Variants in TPM1 observed in about 807,000 individuals in gnomAD.
TPM1 encodes the protein tropomyosin alpha-1 chain.
Under a neutral mutation model 42.9 loss-of-function variants are expected in TPM1, and 24 were observed. The observed-to-expected ratio is 0.56, with a 90% CI of 0.41 to 0.79. TPM1 has a LOEUF of 0.79. Ranked by LOEUF, TPM1 falls within the 30% of genes least tolerant of loss-of-function variation. TPM1 has a pLI of 0.00. For missense variants in TPM1, 158 were observed against 351.8 expected, an observed-to-expected ratio of 0.45 and a Z score of 4.41; for synonymous variants, 136 against 130.1, an observed-to-expected ratio of 1.05 and a Z score of -0.31.
intron 3 of TPM1, 74 bp downstream of exon 3, chr15:63,057,192 T>C: frequency 2.5e-6 from 4 of 1,602,084 alleles, no homozygotes; most frequent in Non-Finnish European, 2.6e-6. Flanking sequence ...CCTGTGATCT[T>C]TGAGGTTTAA....
At chr15:63,061,200 A>G in intron 5 of TPM1, 1 of 1,614,196 alleles carries the variant, frequency 6.2e-7, no homozygotes, top group Non-Finnish European at 8.5e-7. Context: ...ACTAACAGCC[A>G]AGTCCGACAG....
In TPM1 at chr15:63,043,922, C is replaced by T. The variant is rs2031810828; in HGVS notation, c.115-105C>T. 3.2e-6 allele frequency: 5 copies of T among 1,555,288 alleles called. No homozygotes were observed. In the Admixed American group the frequency reaches 7.8e-5, roughly 24 times the overall value. ...TCCCTGTCTTTCCCTCTGTCTCTCC[C>T]GCTGTCCCTGTCCTTCTGGTTCTGT... is the stretch of plus-strand genomic sequence containing the variant. On this transcript the variant is annotated intron_variant, in intron 1 of 9. Transcript: ENST00000403994.
intron 2 of TPM1, chr15:63,048,755 C>CGG: frequency 3.3e-6 from 5 of 1,518,574 alleles, no homozygotes; most frequent in Non-Finnish European, 4.4e-6. Flanking sequence ...CGCATCCTCC[C>CGG]GGGGCAGCCC....
intron 2 of TPM1, among the ~76,000 whole-genome samples, chr15:63,052,839 A>G (rs2034154867): frequency 6.6e-6 from 1 of 152,218 alleles, no homozygotes; most frequent in Non-Finnish European, 1.5e-5. Flanking sequence ...CATAGAGCAT[A>G]ATAAATCAGA....
chr15:63,066,844 T>TGG (rs1372086789), downstream of TPM1, among the ~76,000 whole-genome samples: 1 of 152,230 alleles, frequency 6.6e-6, no homozygotes, highest in Non-Finnish European at 1.5e-5. Flanking sequence ...TTGTGTTCAA[T>TGG]GGCTGTGTTT....
chr15:63,043,937 T>A, intron 1 of TPM1, 90 bp from the exon 2 acceptor site: 1 of 1,560,698 alleles, frequency 6.4e-7, no homozygotes, highest in Non-Finnish European at 8.7e-7. Flanking sequence ...TCCCTGTCCT[T>A]CTGGTTCTGT....
chr15:63,048,704 G>C, intron 2 of TPM1: 1 of 1,537,962 alleles, frequency 6.5e-7, no homozygotes, highest in Non-Finnish European at 8.8e-7. Flanking sequence ...AGCTGAGGGA[G>C]ACCGTAAGGG....
rs764066298 is a variant in TPM1 at position 63,048,737 on chromosome 15, C to T, written c.240+4585C>T. 2.0e-6 allele frequency: 3 copies of T among 1,527,224 alleles called. No homozygotes were observed. The African/African-American group carries it at 4.2e-5, about 22-fold the overall frequency. The allele number at this position is 1,527,224 out of a possible 1,614,324, so 94.6% of individuals were successfully genotyped here. The stretch of plus-strand genomic sequence containing the variant: ...GGGATACACCCATCACCCCGCAGCC[C>T]CCAGAGGCGCATCCTCCCGGGGCAG... On this transcript the variant is annotated intron_variant, in intron 2 of 9. Transcript: ENST00000403994.
chr15:63,063,544 G>C (rs2035928377), intron 8 of TPM1, among the ~76,000 whole-genome samples: 1 of 152,164 alleles, frequency 6.6e-6, no homozygotes, highest in Admixed American at 6.5e-5. Context: ...CTATCCCAGT[G>C]GTCTAGTGTG....
chr15:63,046,195 C>T (rs1225797386), intron 2 of TPM1: 1 of 152,124 alleles, frequency 6.6e-6, no homozygotes, highest in Non-Finnish European at 1.5e-5. Flanking sequence ...AATCACCAGG[C>T]GATAGGAATT....
chr15:63,066,033 C>G lies in TPM1; in HGVS notation c.*134C>G. On this transcript the variant is annotated 3_prime_UTR_variant, in exon 10 of 10. Transcript: ENST00000403994. The stretch of plus-strand genomic sequence containing the variant: ...ATCCTGCCTTAGAGCCAGGCACACA[C>G]TGTGCTTTCTATTGTACAGAAGCTC... 6.5e-7 allele frequency: 1 copy of G among 1,547,910 alleles called. No homozygotes were observed. The highest frequency in any genetic ancestry group is 8.7e-7 in the Non-Finnish European group (1 of 1,147,878).
chr15:63,048,555 G>A, intron 2 of TPM1: 1 of 1,519,476 alleles, frequency 6.6e-7, no homozygotes, highest in East Asian at 2.6e-5. Flanking sequence ...CAGCCCTCCC[G>A]CCCGCCTACC....
At position 63,045,297 on chromosome 15, in the gene TPM1, C is replaced by T. The variant is rs912382921; in HGVS notation, c.240+1145C>T. On this transcript the variant is annotated intron_variant, in intron 2 of 9. Transcript: ENST00000403994. The stretch of plus-strand genomic sequence containing the variant: ...GCTTTGTAAATGAGAACTCCAGAGA[C>T]GACATTTAGGATCTGACAAAAAGAA... 6.6e-5 allele frequency: 10 copies of T among 152,196 alleles called. No individual in the cohort carries two copies. In the East Asian group the frequency reaches 7.7e-4, roughly 12 times the overall value. 9.4% of individuals were successfully genotyped at this position (152,196 alleles called of 1,614,324 possible).
downstream of TPM1, among the ~76,000 whole-genome samples, chr15:63,068,920 G>A (rs1476264256): frequency 6.6e-5 from 10 of 152,132 alleles, no homozygotes; most frequent in East Asian, 1.9e-4. Flanking sequence ...AGGCTGAGGC[G>A]GGCGGATCAT....
At chr15:63,051,536 GTT>G (rs60450234) in intron 2 of TPM1, among the ~76,000 whole-genome samples, 26 of 148,088 alleles carry the variant, frequency 1.8e-4, no homozygotes, top group South Asian at 6.4e-4. Context: ...TGTCATCAGT[GTT>G]TTTTTTTTTC....
Position 63,048,686 on chromosome 15 carries a change from C to T in TPM1, c.240+4534C>T, listed in dbSNP as rs767388543. 13 of 1,539,088 alleles carry T rather than the reference C, an allele frequency of 8.4e-6. No homozygotes were observed. The East Asian group carries it at 2.3e-4, about 27-fold the overall frequency. ...GCACCCTGCAGCGCGAGCTGGACCA[C>T]GAGAGGAAGCTGAGGGAGACCGTAA... On this transcript the variant is annotated intron_variant, in intron 2 of 9. Coordinates refer to ENST00000403994, the MANE Select transcript of TPM1 (RefSeq NM_001018005.2).
In TPM1 at chr15:63,066,004, T is replaced by C. The variant is rs750300077; in HGVS notation, c.*105T>C. On this transcript the variant is annotated 3_prime_UTR_variant, in exon 10 of 10. Coordinates refer to ENST00000403994, the MANE Select transcript of TPM1 (RefSeq NM_001018005.2). The stretch of plus-strand genomic sequence containing the variant: ...TCCAGCTGACCCTGGTTCTCTCTCT[T>C]AGCATCCTGCCTTAGAGCCAGGCAC... 4.5e-6 allele frequency: 7 copies of C among 1,561,480 alleles called. No individual in the cohort carries two copies. In the African/African-American group the frequency reaches 8.1e-5, roughly 18 times the overall value.
chr15:63,051,601 G>A (rs1012529949), intron 2 of TPM1, among the ~76,000 whole-genome samples: 3 of 151,840 alleles, frequency 2.0e-5, no homozygotes, highest in African/African-American at 7.3e-5. Flanking sequence ...GTGGTCACTT[G>A]GCCTTACACA....
intron 3 of TPM1, among the ~76,000 whole-genome samples, chr15:63,058,209 A>G (rs2035087273): frequency 6.6e-6 from 1 of 152,208 alleles, no homozygotes; most frequent in Non-Finnish European, 1.5e-5. Context: ...TTTCTGAAAT[A>G]TACTTGTTAG....
Sources: allele counts gnomAD v4.1 joint callset (sites outside exome capture counted in the v4.1 genomes callset), GRCh38; gene constraint gnomAD v4.1.1; transcripts MANE v1.5; gene names NCBI Gene and HGNC (gene_info 2026-07-23, HGNC 2026-07-21).